Variants in MAML3 observed in about 807,000 individuals in gnomAD.
The protein encoded by MAML3 is mastermind-like protein 3.
In MAML3, 27 loss-of-function variants were observed where a neutral mutation model predicts 101.9. The ratio of observed to expected loss-of-function variants is 0.27; its 90% CI spans 0.20 to 0.37. The LOEUF is 0.37. MAML3 is among the 10% of genes least tolerant of loss of function. The pLI, the probability that MAML3 is intolerant of heterozygous loss-of-function variation, is 1.00. For synonymous variants in MAML3, 501 were observed against 555.9 expected, an observed-to-expected ratio of 0.90 and a Z score of 1.39; for missense variants, 1,316 against 1,444.9, an observed-to-expected ratio of 0.91 and a Z score of 1.45.
chr4:139,757,768 A>T (rs1729683039), intron 2 of MAML3, among the ~76,000 whole-genome samples: 1 of 151,478 alleles, frequency 6.6e-6, no homozygotes, highest in African/African-American at 2.4e-5. Context: ...CTACCAGACT[A>T]TTTGTATTTG....
chr4:140,059,408 T>C (rs749139739), intron 1 of MAML3, among the ~76,000 whole-genome samples: 2 of 152,180 alleles, frequency 1.3e-5, no homozygotes, highest in Non-Finnish European at 2.9e-5. Flanking sequence ...CACAGACTTA[T>C]GGATGGAAAA....
intron 2 of MAML3, among the ~76,000 whole-genome samples, chr4:139,881,654 A>G (rs1732223254): frequency 6.6e-6 from 1 of 152,338 alleles, no homozygotes; most frequent in South Asian, 2.1e-4. Flanking sequence ...ATATGAAAAA[A>G]TATGCTTAGG....
At chr4:140,048,248 T>C (rs994590346) in intron 1 of MAML3, among the ~76,000 whole-genome samples, 9 of 152,210 alleles carry the variant, frequency 5.9e-5, no homozygotes, top group African/African-American at 2.2e-4. Context: ...AATATCATTC[T>C]TTTGATATCT....
At chr4:139,830,408 C>CTTT (rs1560807162) in intron 2 of MAML3, among the ~76,000 whole-genome samples, 6 of 143,532 alleles carry the variant, frequency 4.2e-5, no homozygotes, top group African/African-American at 1.7e-4. Context: ...GCACGCTGTG[C>CTTT]TATTTTTTTT....
At chr4:140,091,240 C>A (rs1728041304) in intron 1 of MAML3, among the ~76,000 whole-genome samples, 1 of 152,162 alleles carries the variant, frequency 6.6e-6, no homozygotes, top group African/African-American at 2.4e-5. Context: ...CTATTCCATT[C>A]TCCTTGCTCG....
At chr4:139,740,954 G>A (rs1426783780) in intron 2 of MAML3, among the ~76,000 whole-genome samples, 2 of 152,178 alleles carry the variant, frequency 1.3e-5, no homozygotes, top group Admixed American at 6.5e-5. Context: ...TCCAGAGGCC[G>A]TGAGAGGGAG....
intron 1 of MAML3, among the ~76,000 whole-genome samples, chr4:140,090,413 A>G (rs1274038618): frequency 6.6e-6 from 1 of 152,282 alleles, no homozygotes; most frequent in Non-Finnish European, 1.5e-5. Flanking sequence ...CAACACAGCA[A>G]TAATAGCAAC....
intron 1 of MAML3, among the ~76,000 whole-genome samples, chr4:139,977,795 C>A (rs2110803464): frequency 6.6e-6 from 1 of 152,080 alleles, no homozygotes; most frequent in East Asian, 1.9e-4. Flanking sequence ...ATTGCTGGAA[C>A]CCAGGAGGCA....
At chr4:139,829,004 AGGAAGGAAGGAAGGAAGGAC>A (rs1290669082) in intron 2 of MAML3, among the ~76,000 whole-genome samples, 56 of 134,572 alleles carry the variant, frequency 4.2e-4, no homozygotes, top group Admixed American at 2.7e-3. Flanking sequence ...GAAGGAAGGA[AGGAAGGAAGGAAGGAAGGAC>A]GGACGGACGG....
chr4:139,894,511 A>G (rs1190957247), intron 1 of MAML3, among the ~76,000 whole-genome samples: 6 of 136,388 alleles, frequency 4.4e-5, no homozygotes, highest in Non-Finnish European at 9.2e-5. Flanking sequence ...TCCATCTTAA[A>G]AAAGAAAGAA....
chr4:139,833,530 G>C (rs773755494), intron 2 of MAML3, among the ~76,000 whole-genome samples: 3 of 152,110 alleles, frequency 2.0e-5, no homozygotes, highest in Non-Finnish European at 2.9e-5. Context: ...AAAGAGAAAA[G>C]ACAGGAGAAA....
At position 140,135,876 on chromosome 4, in the gene MAML3, C is replaced by T. The variant is rs543531962; in HGVS notation, c.468+16984G>A. On this transcript the variant is annotated intron_variant, in intron 1 of 4. Coordinates refer to ENST00000509479, the MANE Select transcript of MAML3 (RefSeq NM_018717.5). ...CTGGGAATTCAAATCAGTGTAACCACGCTTGATGCGCCGGTGAAAAATGCT... is the reference window on the plus strand; with the variant it reads ...CTGGGAATTCAAATCAGTGTAACCATGCTTGATGCGCCGGTGAAAAATGCT... 2.6e-5 allele frequency among the ~76,000 whole-genome samples: 4 copies of T among 152,348 alleles called. No individual in the cohort carries two copies. The South Asian group carries it at 6.2e-4, about 24-fold the overall frequency.
rs146842651 is a variant in MAML3 at position 139,881,210 on chromosome 4, C to A, written c.2079+8147G>T. On this transcript the variant is annotated intron_variant, in intron 2 of 4. Transcript: ENST00000509479. ...TACCCTCCCTCAGACAAGAAGAAGGCGGGTGGATTACTCTGCAGAGATGAA... is the reference window on the plus strand; with the variant it reads ...TACCCTCCCTCAGACAAGAAGAAGGAGGGTGGATTACTCTGCAGAGATGAA... Among the ~76,000 whole-genome samples the A allele has an allele frequency of 1.3e-3, 202 of 152,158 alleles. 1 individual carries two copies. Among genetic ancestry groups the A allele is most frequent in the African/African-American group, 4.6e-3 (193 of 41,510 alleles).
chr4:139,789,647 A>G (rs1268404201), intron 2 of MAML3, among the ~76,000 whole-genome samples: 1 of 152,150 alleles, frequency 6.6e-6, no homozygotes, highest in East Asian at 1.9e-4. Flanking sequence ...AGTACTGAGG[A>G]GCCACTAAAG....
At chr4:140,069,421 G>GGAAGGAGGA (rs200938392) in intron 1 of MAML3, among the ~76,000 whole-genome samples, 39 of 26,802 alleles carry the variant, frequency 1.5e-3, no homozygotes, top group African/African-American at 2.4e-3. Context: ...GAGGAGGAGG[G>GGAAGGAGGA]GAAGGAGGAG....
intron 1 of MAML3, among the ~76,000 whole-genome samples, chr4:140,015,751 C>T (rs137924867): frequency 0.011 from 1,694 of 152,240 alleles, 15 homozygotes; most frequent in Non-Finnish European, 0.018. Context: ...GTTAGGAGTT[C>T]GAGACCAGCC....
chr4:140,073,565 T>C (rs1413164039), intron 1 of MAML3, among the ~76,000 whole-genome samples: 1 of 152,144 alleles, frequency 6.6e-6, no homozygotes, highest in Non-Finnish European at 1.5e-5. Context: ...CTGTGAGGTA[T>C]TGTGCCAGGC....
chr4:139,888,085 G>T (rs995998733), intron 2 of MAML3, among the ~76,000 whole-genome samples: 1 of 152,178 alleles, frequency 6.6e-6, no homozygotes, highest in Non-Finnish European at 1.5e-5. Flanking sequence ...GGGGTTGTAA[G>T]GCTGAGGACA....
intron 2 of MAML3, among the ~76,000 whole-genome samples, chr4:139,836,969 A>G (rs573175293): frequency 4.3e-4 from 66 of 151,850 alleles, no homozygotes; most frequent in African/African-American, 1.5e-3. Context: ...CTAAAAATAC[A>G]AAATTAGCCG....
Sources: gnomAD v4.1 joint callset for allele counts (sites outside exome capture counted in the v4.1 genomes callset) on GRCh38, gnomAD v4.1.1 for gene constraint, MANE v1.5 for transcripts, NCBI Gene and HGNC (gene_info 2026-07-23, HGNC 2026-07-21) for gene names.